SGCZ: variants seen among roughly 807,000 people sequenced by gnomAD.
The protein encoded by SGCZ is zeta-sarcoglycan.
A neutral mutation model predicts 41.3 loss-of-function variants in SGCZ; 40 were observed. That is an observed-to-expected ratio of 0.97 (90% CI 0.75 to 1.26). The LOEUF (loss-of-function observed/expected upper bound fraction) is 1.26. Among genes scored for constraint, SGCZ ranks in the 50% most tolerant of loss-of-function variants. The probability of loss-of-function intolerance (pLI) is 0.00; values close to 1 mark genes in which losing one functional copy is unlikely to be tolerated. For missense variants in SGCZ, 552 were observed against 369.8 expected (o/e 1.49, Z -4.04); for synonymous variants, 206 against 137.5 (o/e 1.50, Z -3.49).
intron 5 of SGCZ, 76 bp from the exon 6 acceptor site, chr8:14,108,311 A>G: frequency 2.3e-6 from 3 of 1,315,818 alleles, no homozygotes; most frequent in Non-Finnish European, 3.3e-6. Flanking sequence ...TTATGCATCA[A>G]ATATTCTTCC....
intron 2 of SGCZ, among the ~76,000 whole-genome samples, chr8:14,483,230 T>C (rs1585575302): frequency 6.6e-6 from 1 of 152,292 alleles, no homozygotes; most frequent in East Asian, 1.9e-4. Flanking sequence ...CAAAATCTTA[T>C]TTTAAGTACG....
chr8:14,970,067 C>T (rs1318011382), intron 1 of SGCZ, among the ~76,000 whole-genome samples: 1 of 152,086 alleles, frequency 6.6e-6, no homozygotes, highest in African/African-American at 2.4e-5. Flanking sequence ...TAATTATAGT[C>T]ATTCTCACTC....
intron 2 of SGCZ, among the ~76,000 whole-genome samples, chr8:14,348,462 C>T (rs1009161616): frequency 2.0e-5 from 3 of 152,080 alleles, no homozygotes; most frequent in Admixed American, 6.6e-5. Flanking sequence ...TATGTAACTA[C>T]CATTATGCAG....
chr8:14,457,666 T>C (rs1343984555), intron 2 of SGCZ, among the ~76,000 whole-genome samples: 1 of 152,210 alleles, frequency 6.6e-6, no homozygotes, highest in East Asian at 1.9e-4. Context: ...TAGTCCCTGA[T>C]ATGCAGAAAT....
intron 1 of SGCZ, among the ~76,000 whole-genome samples, chr8:14,607,528 C>T (rs1211677442): frequency 6.6e-6 from 1 of 152,132 alleles, no homozygotes; most frequent in Non-Finnish European, 1.5e-5. Context: ...TTCTTCATAA[C>T]ATTTATGCAG....
At chr8:14,798,935 C>A (rs1388285207) in intron 1 of SGCZ, among the ~76,000 whole-genome samples, 1 of 151,702 alleles carries the variant, frequency 6.6e-6, no homozygotes, top group Non-Finnish European at 1.5e-5. Flanking sequence ...AGAGAAAAGT[C>A]TCATTTCTGC....
chr8:15,001,525 C>G (rs7005721), intron 1 of SGCZ, among the ~76,000 whole-genome samples: 59,053 of 151,830 alleles, frequency 0.39, 12,731 homozygotes, highest in Non-Finnish European at 0.48. Context: ...GTCAGGAGAT[C>G]GAGACCATCC....
chr8:15,141,859 C>T (rs1808332294), intron 1 of SGCZ, among the ~76,000 whole-genome samples: 1 of 150,814 alleles, frequency 6.6e-6, no homozygotes, highest in African/African-American at 2.4e-5. Flanking sequence ...CAAGATCACG[C>T]CACTGCACTC....
intron 4 of SGCZ, among the ~76,000 whole-genome samples, chr8:14,166,032 A>C (rs1397765026): frequency 6.6e-6 from 1 of 152,160 alleles, no homozygotes; most frequent in African/African-American, 2.4e-5. Flanking sequence ...ATAACATGTA[A>C]GCTAATTTCT....
chr8:14,299,511 A>T (rs1329459503), intron 3 of SGCZ, among the ~76,000 whole-genome samples: 1 of 151,956 alleles, frequency 6.6e-6, no homozygotes, highest in Non-Finnish European at 1.5e-5. Context: ...TTAAAAATGC[A>T]ATTCACAGGA....
chr8:15,022,407 A>C (rs955997706), intron 1 of SGCZ, among the ~76,000 whole-genome samples: 4 of 152,074 alleles, frequency 2.6e-5, no homozygotes, highest in African/African-American at 4.8e-5. Context: ...GCAGTGGCAC[A>C]ATCTCGGCTC....
rs745830604 is a variant in SGCZ, at chr8:14,086,336, C to T, written c.*4107G>A. ...ACACTCATATGCATTAGACGCTCTC[C>T]AGGCTATTGCTGCCTCATACAGAGA... On this transcript the variant is annotated 3_prime_UTR_variant, in exon 8 of 8. Coordinates refer to ENST00000382080, the MANE Select transcript of SGCZ (RefSeq NM_139167.4). 7.3e-5 allele frequency among the ~76,000 whole-genome samples: 11 copies of T among 151,634 alleles called. No individual in the cohort carries two copies. Among genetic ancestry groups the T allele is most frequent in the Non-Finnish European group, 1.6e-4 (11 of 67,738 alleles).
At chr8:14,533,491 C>T (rs1381408) in intron 2 of SGCZ, among the ~76,000 whole-genome samples, 53,478 of 151,692 alleles carry the variant, frequency 0.35, 10,081 homozygotes, top group East Asian at 0.43. Context: ...AAAAACATTA[C>T]TAGATTTACA....
intron 1 of SGCZ, among the ~76,000 whole-genome samples, chr8:15,071,758 G>T (rs1239864711): frequency 6.6e-6 from 1 of 152,242 alleles, no homozygotes; most frequent in East Asian, 1.9e-4. Flanking sequence ...AATCAGATGG[G>T]TAGTCGGGTA....
At chr8:14,357,064 G>C (rs1478660382) in intron 2 of SGCZ, among the ~76,000 whole-genome samples, 3 of 151,784 alleles carry the variant, frequency 2.0e-5, no homozygotes, top group Admixed American at 2.0e-4. Context: ...TTATGCAAAA[G>C]TAAATGAAAT....
At chr8:14,177,675 A>ATTTTTTTTTTTTTTTTT (rs1193141913) in intron 4 of SGCZ, among the ~76,000 whole-genome samples, 2 of 111,338 alleles carry the variant, frequency 1.8e-5, no homozygotes, top group South Asian at 3.1e-4. Flanking sequence ...ACGCCCTGCT[A>ATTTTTTTTTTTTTTTTT]TTTTTTTTTT....
chr8:14,769,293 T>C (rs913725897), intron 1 of SGCZ, among the ~76,000 whole-genome samples: 1 of 152,226 alleles, frequency 6.6e-6, no homozygotes, highest in East Asian at 1.9e-4. Flanking sequence ...AAGGGGCTTA[T>C]CATGTGAAAA....
At chr8:14,651,841 G>A (rs1807409466) in intron 1 of SGCZ, among the ~76,000 whole-genome samples, 2 of 151,900 alleles carry the variant, frequency 1.3e-5, no homozygotes, top group Non-Finnish European at 2.9e-5. Flanking sequence ...TTCAAGGACA[G>A]TATCTTTGAA....
At chr8:14,457,472 C>G (rs549121137) in intron 2 of SGCZ, among the ~76,000 whole-genome samples, 6 of 152,306 alleles carry the variant, frequency 3.9e-5, no homozygotes, top group Admixed American at 3.3e-4. Flanking sequence ...AGAGAAGACT[C>G]TGCTCCTCCA....
Sources: allele counts gnomAD v4.1 joint callset (sites outside exome capture counted in the v4.1 genomes callset), GRCh38; gene constraint gnomAD v4.1.1; transcripts MANE v1.5; gene names NCBI Gene and HGNC (gene_info 2026-07-23, HGNC 2026-07-21).